SCN9A: variants seen among roughly 807,000 people sequenced by gnomAD.
The protein encoded by SCN9A is sodium voltage-gated channel alpha subunit 9, also known as sodium channel protein type 9 subunit alpha.
SCN9A carries 131 observed loss-of-function variants against 187.0 expected under a neutral mutation model. The ratio of observed to expected loss-of-function variants is 0.70; its 90% CI spans 0.61 to 0.81. SCN9A has a LOEUF of 0.81. SCN9A is among the 30% of genes least tolerant of loss of function. The pLI is 0.00. For missense variants in SCN9A, 2,252 were observed against 2,396.6 expected, an observed-to-expected ratio of 0.94 and a Z score of 1.26; for synonymous variants, 809 against 808.6, an observed-to-expected ratio of 1.00 and a Z score of -0.01.
chr2:166,257,960 A>C lies in SCN9A; in HGVS notation c.3352-6075T>G, dbSNP rs181430299. 4.7e-3 allele frequency among the ~76,000 whole-genome samples: 707 copies of C among 151,684 alleles called. 8 individuals carry two copies. The highest frequency in any genetic ancestry group is 4.6e-3 in the Non-Finnish European group (311 of 67,666). ...TTAAAATTATCTTCAAATAAACTGG[A>C]ACACTAAAATAACTAATTTTTCATT... On this transcript the variant is annotated intron_variant, in intron 17 of 26. Transcript: ENST00000642356.
At chr2:166,288,338 A>G in intron 10 of SCN9A, 99 bp downstream of exon 10, 1 of 908,458 alleles carries the variant, frequency 1.1e-6, no homozygotes, top group Non-Finnish European at 1.6e-6. Context: ...TTCATTAAAG[A>G]AAATCTAGCT....
intron 17 of SCN9A, among the ~76,000 whole-genome samples, chr2:166,255,581 C>G (rs1558986489): frequency 6.6e-6 from 1 of 151,288 alleles, no homozygotes; most frequent in South Asian, 2.1e-4. Context: ...CAGCACTGTA[C>G]AAAACACAGA....
intron 19 of SCN9A, among the ~76,000 whole-genome samples, chr2:166,242,028 C>T (rs770366816): frequency 3.3e-5 from 5 of 152,106 alleles, no homozygotes; most frequent in Non-Finnish European, 7.3e-5. Context: ...TCTGAGGAAA[C>T]CTGTTACACT....
intron 4 of SCN9A, among the ~76,000 whole-genome samples, 197 bp downstream of exon 4, chr2:166,306,313 A>G (rs1698754808): frequency 6.6e-6 from 1 of 152,136 alleles, no homozygotes; most frequent in African/African-American, 2.4e-5. Flanking sequence ...TTCTTTGAGA[A>G]AACACTGTAG....
chr2:166,313,596 G>A (rs1699033244), intron 1 of SCN9A, among the ~76,000 whole-genome samples: 1 of 152,074 alleles, frequency 6.6e-6, no homozygotes, highest in Non-Finnish European at 1.5e-5. Flanking sequence ...TGTGGATTAG[G>A]CTTTGGCTTA....
At chr2:166,309,599 G>A (rs1461356680) in intron 2 of SCN9A, among the ~76,000 whole-genome samples, 1 of 151,990 alleles carries the variant, frequency 6.6e-6, no homozygotes. Flanking sequence ...GGAAATAAAA[G>A]AGGATACAAA....
intron 10 of SCN9A, among the ~76,000 whole-genome samples, chr2:166,287,958 A>G (rs112534013): frequency 0.03 from 4,436 of 147,556 alleles, 219 homozygotes; most frequent in African/African-American, 0.1. Flanking sequence ...GTATATATAT[A>G]CATATATATA....
At chr2:166,233,553 A>G in intron 20 of SCN9A, 91 bp from the exon 21 acceptor site, 1 of 977,200 alleles carries the variant, frequency 1.0e-6, no homozygotes, top group Admixed American at 3.5e-5. Flanking sequence ...AAAGCAACTC[A>G]ACAGGAACAA....
chr2:166,272,900 T>G, intron 16 of SCN9A, 25 bp from the exon 17 acceptor site: 21 of 1,009,072 alleles, frequency 2.1e-5, no homozygotes, highest in Non-Finnish European at 2.9e-5. Flanking sequence ...GGAGAGGGGG[T>G]AGAGAAATAG....
At position 166,312,967 on chromosome 2, in the gene SCN9A, C is replaced by G. The variant is rs574681748; in HGVS notation, c.-50-1161G>C. 1.2e-4 allele frequency among the ~76,000 whole-genome samples: 14 copies of G among 120,832 alleles called. No individual in the cohort carries two copies. The South Asian group carries it at 3.6e-3, about 31-fold the overall frequency. 79.3% of individuals were successfully genotyped at this position (120,832 alleles called of 152,430 possible). On this transcript the variant is annotated intron_variant, in intron 1 of 26. Coordinates refer to ENST00000642356, the MANE Select transcript of SCN9A (RefSeq NM_001365536.1). ...TTTAGTATAATTCTTAAGAGATTTTCTGAATGATTAAATAATATAATTATT... is the reference window on the plus strand; with the variant it reads ...TTTAGTATAATTCTTAAGAGATTTTGTGAATGATTAAATAATATAATTATT...
chr2:166,360,939 T>C (rs1700269129), intron 1 of SCN9A, among the ~76,000 whole-genome samples: 1 of 152,176 alleles, frequency 6.6e-6, no homozygotes, highest in Admixed American at 6.5e-5. Context: ...ATTTAAAATA[T>C]AGATCTGCAG....
chr2:166,322,082 A>C (rs190446880), intron 1 of SCN9A, among the ~76,000 whole-genome samples: 1 of 152,206 alleles, frequency 6.6e-6, no homozygotes. Flanking sequence ...GAAAGGACAA[A>C]GATACTAAAA....
At chr2:166,271,918 T>A (rs73021692) in intron 17 of SCN9A, among the ~76,000 whole-genome samples, 1 of 151,916 alleles carries the variant, frequency 6.6e-6, no homozygotes, top group South Asian at 2.1e-4. Context: ...CATGGATACA[T>A]CATGAGAGTG....
chr2:166,274,405 C>T (rs1360970572), intron 16 of SCN9A, among the ~76,000 whole-genome samples: 2 of 152,018 alleles, frequency 1.3e-5, no homozygotes, highest in Non-Finnish European at 2.9e-5. Context: ...GATATAGACC[C>T]GAGCTGACTA....
At chr2:166,201,181 T>TAC (rs775563808) in intron 26 of SCN9A, among the ~76,000 whole-genome samples, 40 of 149,618 alleles carry the variant, frequency 2.7e-4, no homozygotes, top group South Asian at 8.4e-4. Flanking sequence ...TTTATATATA[T>TAC]ACACACACTA....
chr2:166,254,855 T>C (rs1458103346), intron 17 of SCN9A, among the ~76,000 whole-genome samples: 1 of 145,518 alleles, frequency 6.9e-6, no homozygotes. Context: ...ATAAAGTAAA[T>C]ATAAATATAA....
intron 10 of SCN9A, among the ~76,000 whole-genome samples, chr2:166,286,906 G>C (rs762585280): frequency 2.0e-5 from 3 of 152,086 alleles, no homozygotes; most frequent in Non-Finnish European, 4.4e-5. Flanking sequence ...ATATGTTAAA[G>C]TTTTACAAGG....
intron 26 of SCN9A, among the ~76,000 whole-genome samples, chr2:166,202,393 C>A (rs1476510886): frequency 6.7e-6 from 1 of 148,488 alleles, no homozygotes; most frequent in African/African-American, 2.5e-5. Context: ...TTCAAACCCA[C>A]TGAGCTTTTA....
chr2:166,361,584 C>T (rs1472836558), intron 1 of SCN9A, among the ~76,000 whole-genome samples: 1 of 152,014 alleles, frequency 6.6e-6, no homozygotes, highest in African/African-American at 2.4e-5. Context: ...ACACTGAACA[C>T]ACCGAGGATG....
Sources: gnomAD v4.1 joint callset for allele counts (sites outside exome capture counted in the v4.1 genomes callset) on GRCh38, gnomAD v4.1.1 for gene constraint, MANE v1.5 for transcripts, NCBI Gene and HGNC (gene_info 2026-07-23, HGNC 2026-07-21) for gene names.